Variants in CCDC88A observed in about 807,000 individuals in gnomAD.
CCDC88A encodes girdin.
Under a neutral mutation model 234.3 loss-of-function variants are expected in CCDC88A, and 54 were observed. That is an observed-to-expected ratio of 0.23 (90% CI 0.19 to 0.29). The LOEUF (loss-of-function observed/expected upper bound fraction) is 0.29, where lower values mean the gene tolerates loss of function less well. CCDC88A is among the 10% of genes least tolerant of loss of function. The pLI, the probability that CCDC88A is intolerant of heterozygous loss-of-function variation, is 1.00. For synonymous variants in CCDC88A, 753 were observed against 737.8 expected (o/e 1.02, Z -0.33); for missense variants, 1,832 against 2,123.4 (o/e 0.86, Z 2.70).
intron 3 of CCDC88A, among the ~76,000 whole-genome samples, chr2:55,384,340 C>CT (rs1380388286): frequency 1.4e-5 from 2 of 147,868 alleles, no homozygotes; most frequent in African/African-American, 4.9e-5. Context: ...AAAAAAAAAT[C>CT]CAGAAGTGTA....
chr2:55,371,787 ACT>A (rs5831357), intron 5 of CCDC88A, among the ~76,000 whole-genome samples: 93,605 of 151,772 alleles, frequency 0.62, 29,652 homozygotes, highest in Admixed American at 0.68. Context: ...CGCCTAGCCC[ACT>A]CTATAATTAT....
chr2:55,362,769 G>T (rs745941342), intron 6 of CCDC88A, among the ~76,000 whole-genome samples: 2 of 151,960 alleles, frequency 1.3e-5, no homozygotes, highest in Non-Finnish European at 2.9e-5. Flanking sequence ...ACTGAATTCT[G>T]TAGATAAGAC....
chr2:55,379,873 A>G (rs1674298428), intron 3 of CCDC88A, among the ~76,000 whole-genome samples: 2 of 151,986 alleles, frequency 1.3e-5, no homozygotes, highest in South Asian at 4.2e-4. Flanking sequence ...AGATTGTGCC[A>G]TCGCACTCCA....
At chr2:55,367,528 G>GTTTGTTTTTTTTTTTGTTT (rs1553419620) in intron 5 of CCDC88A, among the ~76,000 whole-genome samples, 2 of 99,890 alleles carry the variant, frequency 2.0e-5, no homozygotes, top group African/African-American at 4.3e-5. Context: ...TTATTTCCTT[G>GTTTGTTTTTTTTTTTGTTT]TTTTTTTTTA....
At chr2:55,342,202 T>G (rs1205281342) in intron 12 of CCDC88A, among the ~76,000 whole-genome samples, 1 of 152,208 alleles carries the variant, frequency 6.6e-6, no homozygotes, top group African/African-American at 2.4e-5. Context: ...GAAAAGTGAC[T>G]TAAAAAATTT....
At chr2:55,396,651 A>C (rs1400075165) in intron 2 of CCDC88A, among the ~76,000 whole-genome samples, 1 of 152,092 alleles carries the variant, frequency 6.6e-6, no homozygotes, top group African/African-American at 2.4e-5. Context: ...CGGGCAGATC[A>C]CGAGGTCTGG....
chr2:55,406,635 T>G (rs1342584166), intron 2 of CCDC88A, among the ~76,000 whole-genome samples: 2 of 152,116 alleles, frequency 1.3e-5, no homozygotes, highest in African/African-American at 4.8e-5. Context: ...GGTACACAAC[T>G]GTAATCCCAG....
intron 25 of CCDC88A, among the ~76,000 whole-genome samples, chr2:55,305,875 T>TC (rs1323538393): frequency 1.3e-5 from 2 of 151,854 alleles, no homozygotes; most frequent in Non-Finnish European, 2.9e-5. Flanking sequence ...AAAAAAAACT[T>TC]CCTTTAAAAA....
chr2:55,323,284 T>G (rs1683857248), intron 17 of CCDC88A: 1 of 152,230 alleles, frequency 6.6e-6, no homozygotes, highest in Non-Finnish European at 1.5e-5. Flanking sequence ...TAAACTATCT[T>G]GAAGCACTAG....
At chr2:55,418,791 A>G in intron 2 of CCDC88A, 25 bp downstream of exon 2, 1 of 1,556,254 alleles carries the variant, frequency 6.4e-7, no homozygotes, top group Non-Finnish European at 8.9e-7. Flanking sequence ...AGAAAACGTT[A>G]CCTAGGAAAG....
rs988767674 is a variant in CCDC88A, at chr2:55,309,910, G to GTA, written c.4080-658_4080-657dup. On this transcript the variant is annotated intron_variant, in intron 23 of 32. Transcript: ENST00000436346. This position sits in a 1 kb window ranked among gnomAD's most constrained non-coding sequence, Gnocchi z 5.1. ...TAATAACATATAATATTGTGTGTGT[G>GTA]TATATATATAAAATGACTATATAAT... Among the ~76,000 whole-genome samples, 7 of 152,140 alleles carry GTA rather than the reference G, an allele frequency of 4.6e-5. 1 individual carries two copies. Among genetic ancestry groups the GTA allele is most frequent in the South Asian group, 4.1e-4 (2 of 4,832 alleles).
chr2:55,414,177 AC>A (rs1420122879), intron 2 of CCDC88A, among the ~76,000 whole-genome samples: 7 of 152,198 alleles, frequency 4.6e-5, no homozygotes, highest in Admixed American at 2.6e-4. Context: ...TTTTCTCAGT[AC>A]TTAAAATCCT....
chr2:55,381,355 C>A (rs974389404), intron 3 of CCDC88A, among the ~76,000 whole-genome samples: 7 of 151,776 alleles, frequency 4.6e-5, no homozygotes, highest in African/African-American at 1.7e-4. Context: ...AGTTTGAGAA[C>A]GAGGCAACAT....
chr2:55,288,483 A>G lies in CCDC88A; in HGVS notation c.*2717T>C, dbSNP rs1402860329. The stretch of plus-strand genomic sequence containing the variant: ...TACAGTATCTTTTTCATTTCCTGAC[A>G]TAAACCATTAAGACAGCACAGGCTG... On this transcript the variant is annotated 3_prime_UTR_variant, in exon 33 of 33. Transcript: ENST00000436346. 6.5e-6 allele frequency: 1 copy of G among 152,678 alleles called. No individual in the cohort carries two copies. The highest frequency in any genetic ancestry group is 1.5e-5 in the Non-Finnish European group (1 of 68,040). 9.5% of individuals were successfully genotyped at this position (152,678 alleles called of 1,614,324 possible).
chr2:55,389,647 C>CA (rs1218991337), intron 2 of CCDC88A, among the ~76,000 whole-genome samples: 1 of 152,184 alleles, frequency 6.6e-6, no homozygotes, highest in African/African-American at 2.4e-5. Flanking sequence ...CCATAATTCT[C>CA]AAACTTTTAG....
chr2:55,349,778 C>A, intron 8 of CCDC88A, 179 bp from the exon 9 acceptor site: 1 of 499,572 alleles, frequency 2.0e-6, no homozygotes, highest in East Asian at 3.3e-5. Flanking sequence ...AATTAGATGC[C>A]ATTAATAAAA....
Position 55,334,433 on chromosome 2 carries a change from C to T in CCDC88A, c.2388G>A (p.Leu796=). The T allele has an allele frequency of 1.3e-6, 2 of 1,580,588 alleles. No individual in the cohort carries two copies. The highest frequency in any genetic ancestry group is 2.2e-5 in the East Asian group (1 of 44,680). ...TTTTTAGTTCTTCTAGGTTTTTCTG[C>T]AATGTTTGATTTTCCATCTCTAAGT... ...LQDLEMENQT[L]QKNLEELKIS... Residue 796 remains leucine, a synonymous_variant, in exon 15 of 33, where the codon TTG becomes TTA. Transcript: ENST00000436346. This position sits in a 1 kb window ranked among gnomAD's most constrained non-coding sequence, Gnocchi z 6.1.
rs1671653421 is a variant in CCDC88A at position 55,364,052 on chromosome 2, A to G, written c.403-19T>C. On this transcript the variant is annotated intron_variant, in intron 5 of 32. Transcript: ENST00000436346. ...TCTGACACTAAAATAAATGAATAAA[A>G]TAGTTATTCATACTTTATAGGGTAT... 8.7e-7 allele frequency: 1 copy of G among 1,151,456 alleles called. No individual in the cohort carries two copies. Among genetic ancestry groups the G allele is most frequent in the African/African-American group, 1.5e-5 (1 of 65,574 alleles). The allele number at this position is 1,151,456 out of a possible 1,614,324, so 71.3% of individuals were successfully genotyped here.
At chr2:55,310,314 G>A (rs1198835494) in intron 23 of CCDC88A, among the ~76,000 whole-genome samples, 1 of 152,198 alleles carries the variant, frequency 6.6e-6, no homozygotes. Flanking sequence ...GGGCGTGGTG[G>A]CTCAGGCCTG....
Sources: allele counts gnomAD v4.1 joint callset (sites outside exome capture counted in the v4.1 genomes callset), GRCh38; gene constraint gnomAD v4.1.1; non-coding constraint Gnocchi (gnomAD v3.1); transcripts MANE v1.5; gene names NCBI Gene and HGNC (gene_info 2026-07-23, HGNC 2026-07-21).